The following MYO1E variants were observed in gnomAD, a reference collection of about 807,000 sequenced individuals.
MYO1E encodes the protein unconventional myosin-Ie.
In MYO1E, 68 loss-of-function variants were observed where a neutral mutation model predicts 151.1. The ratio of observed to expected loss-of-function variants is 0.45; its 90% CI spans 0.37 to 0.55. The LOEUF (loss-of-function observed/expected upper bound fraction) is 0.55. Among genes scored for constraint, MYO1E ranks in the 20% least tolerant of loss-of-function variants. The probability of loss-of-function intolerance (pLI) is 0.00; values close to 1 mark genes in which losing one functional copy is unlikely to be tolerated. For missense variants in MYO1E, 1,363 were observed against 1,389.3 expected (o/e 0.98, Z 0.30); for synonymous variants, 601 against 501.7 (o/e 1.20, Z -2.64).
At chr15:59,155,596 G>T (rs2079505358) in intron 25 of MYO1E, among the ~76,000 whole-genome samples, 1 of 152,178 alleles carries the variant, frequency 6.6e-6, no homozygotes, top group South Asian at 2.1e-4. Context: ...CAACCTAGCT[G>T]AGGCCAGTGA....
rs558247208 is a variant in MYO1E at position 59,148,155 on chromosome 15, C to G, written c.3080+5435G>C. ...GTTTTCAAAATTATTATATTAGTAT[C>G]CCTATTATACAGGTGAAGACACCAA... On this transcript the variant is annotated intron_variant, in intron 26 of 27. Coordinates refer to ENST00000288235, the MANE Select transcript of MYO1E (RefSeq NM_004998.4). Among the ~76,000 whole-genome samples the G allele has an allele frequency of 7.6e-4, 115 of 152,234 alleles. 1 individual carries two copies. Among genetic ancestry groups the G allele is most frequent in the African/African-American group, 2.5e-3 (103 of 41,534 alleles).
intron 1 of MYO1E, among the ~76,000 whole-genome samples, chr15:59,344,849 A>G (rs749734765): frequency 4.6e-5 from 7 of 152,214 alleles, no homozygotes; most frequent in Non-Finnish European, 1.0e-4. Context: ...CAATAAATAC[A>G]AGCAGCCATT....
At chr15:59,299,889 T>G (rs1227533538) in intron 1 of MYO1E, among the ~76,000 whole-genome samples, 1 of 152,200 alleles carries the variant, frequency 6.6e-6, no homozygotes, top group Non-Finnish European at 1.5e-5. Flanking sequence ...AATTTTCCAC[T>G]CAGAAGTTGC....
chr15:59,219,250 C>T (rs759249898), intron 9 of MYO1E, among the ~76,000 whole-genome samples: 1 of 152,118 alleles, frequency 6.6e-6, no homozygotes. Context: ...CTGGGCAGAA[C>T]GTTCTCATAT....
At chr15:59,149,223 ATTGT>A (rs1165295178) in intron 26 of MYO1E, among the ~76,000 whole-genome samples, 2 of 151,792 alleles carry the variant, frequency 1.3e-5, no homozygotes, top group Admixed American at 1.3e-4. Context: ...TACCCAGCTA[ATTGT>A]TTGTGTTTTT....
chr15:59,371,628 C>T (rs1321130479), intron 1 of MYO1E, among the ~76,000 whole-genome samples: 1 of 152,176 alleles, frequency 6.6e-6, no homozygotes, highest in Non-Finnish European at 1.5e-5. Flanking sequence ...CCCTTCCACA[C>T]ATTCCCAAAG....
intron 2 of MYO1E, among the ~76,000 whole-genome samples, chr15:59,262,930 G>C (rs2080232544): frequency 6.6e-6 from 1 of 152,018 alleles, no homozygotes. Flanking sequence ...CACTGTTTTA[G>C]ATGCTCGGGA....
chr15:59,356,527 G>A (rs1434958932), intron 1 of MYO1E, among the ~76,000 whole-genome samples: 1 of 152,202 alleles, frequency 6.6e-6, no homozygotes, highest in East Asian at 1.9e-4. Flanking sequence ...AGACCTGGGG[G>A]TAGTTTTAAA....
rs778066072 is a variant in MYO1E, at chr15:59,217,996, G to T, written c.1002C>A (p.Gly334=). The change falls in exon 10 of 28, where the codon GGC becomes GGA. Residue 334 remains glycine, a synonymous_variant. Coordinates refer to ENST00000288235, the MANE Select transcript of MYO1E (RefSeq NM_004998.4). ...TSRQMDSKWG[G]KSESIHVTLN... is the part of the protein sequence containing the mutation. ...GGGTCACGTGGATGGATTCGGATTT[G>T]CCTCCCCACTTGCTATCCATCTGCC... 1.9e-6 allele frequency: 3 copies of T among 1,614,208 alleles called. No homozygotes were observed. In the East Asian group the frequency reaches 6.7e-5, roughly 36 times the overall value.
chr15:59,137,678 G>T (rs1436320544), intron 27 of MYO1E, among the ~76,000 whole-genome samples: 6 of 152,210 alleles, frequency 3.9e-5, no homozygotes, highest in Non-Finnish European at 5.9e-5. Flanking sequence ...ATTCAAGGTT[G>T]TCTTCCTGGC....
chr15:59,200,210 G>A (rs1244599122), intron 16 of MYO1E, among the ~76,000 whole-genome samples: 1 of 152,152 alleles, frequency 6.6e-6, no homozygotes. Context: ...ACTTGAAAAT[G>A]AGTCATCATA....
At chr15:59,203,971 T>C (rs1179845319) in intron 15 of MYO1E, among the ~76,000 whole-genome samples, 5 of 152,220 alleles carry the variant, frequency 3.3e-5, no homozygotes, top group African/African-American at 9.6e-5. Flanking sequence ...CAGATACAAC[T>C]ACAGATTTTG....
chr15:59,297,060 G>T (rs1596405385), intron 1 of MYO1E, among the ~76,000 whole-genome samples: 1 of 116,352 alleles, frequency 8.6e-6, no homozygotes, highest in South Asian at 3.9e-4. Flanking sequence ...CACTGTGTTA[G>T]CCAGGATGGT....
chr15:59,207,524 TA>T, intron 14 of MYO1E: 1 of 1,614,056 alleles, frequency 6.2e-7, no homozygotes, highest in Non-Finnish European at 8.5e-7. Context: ...TTAACTTATG[TA>T]GCTTGGAAGT....
chr15:59,196,643 T>C (rs906049960), intron 16 of MYO1E, among the ~76,000 whole-genome samples: 8 of 152,346 alleles, frequency 5.3e-5, no homozygotes, highest in Non-Finnish European at 8.8e-5. Flanking sequence ...AGAAAAACTA[T>C]TGAGTATATT....
intron 1 of MYO1E, among the ~76,000 whole-genome samples, chr15:59,284,300 AATAAGTTTCCAAGGCGTTCCT>A (rs1219952786): frequency 1.3e-5 from 2 of 152,220 alleles, no homozygotes; most frequent in African/African-American, 4.8e-5. Flanking sequence ...CCAAGGAAGA[AATAAGTTTCCAAGGCGTTCCT>A]ATTTGCCCCC....
chr15:59,214,740 T>G lies in MYO1E; in HGVS notation c.1108-20A>C, dbSNP rs1382677458. On this transcript the variant is annotated intron_variant, in intron 10 of 27. Coordinates refer to ENST00000288235, the MANE Select transcript of MYO1E (RefSeq NM_004998.4). Reference sequence around the variant, plus strand: ...GATGGACTAGAGAAAGTAAACAGCATGGCAGTGAACTCCTTTCCATTCATA... The same window carrying G: ...GATGGACTAGAGAAAGTAAACAGCAGGGCAGTGAACTCCTTTCCATTCATA... 2 of 1,590,924 alleles carry G rather than the reference T, an allele frequency of 1.3e-6. No individual in the cohort carries two copies. The highest frequency in any genetic ancestry group is 2.2e-5 in the South Asian group (2 of 90,622).
At chr15:59,143,146 C>T (rs566134253) in intron 26 of MYO1E, among the ~76,000 whole-genome samples, 1 of 152,270 alleles carries the variant, frequency 6.6e-6, no homozygotes, top group Admixed American at 6.5e-5. Context: ...GTAAAACCTC[C>T]GAAATTACCC....
intron 1 of MYO1E, among the ~76,000 whole-genome samples, chr15:59,283,097 G>A (rs768418370): frequency 3.1e-4 from 46 of 150,460 alleles, no homozygotes; most frequent in Admixed American, 4.6e-4. Flanking sequence ...GGAGACGGGC[G>A]GTCAGAGGAC....
Sources: gnomAD v4.1 joint callset for allele counts (sites outside exome capture counted in the v4.1 genomes callset) on GRCh38, gnomAD v4.1.1 for gene constraint, MANE v1.5 for transcripts, NCBI Gene and HGNC (gene_info 2026-07-23, HGNC 2026-07-21) for gene names.